The following TENM3 variants were observed in gnomAD, a reference collection of about 807,000 sequenced individuals.
TENM3 encodes the protein teneurin-3.
In TENM3, 63 loss-of-function variants were observed where a neutral mutation model predicts 255.1. The observed-to-expected ratio is 0.25, with a 90% CI of 0.20 to 0.30. The LOEUF (loss-of-function observed/expected upper bound fraction) is 0.30, where lower values mean the gene tolerates loss of function less well. Among genes scored for constraint, TENM3 ranks in the 10% least tolerant of loss-of-function variants. The pLI, the probability that TENM3 is intolerant of heterozygous loss-of-function variation, is 1.00. For missense variants in TENM3, 2,929 were observed against 3,461.1 expected (o/e 0.85, Z 3.86); for synonymous variants, 1,306 against 1,322.3 (o/e 0.99, Z 0.27).
At chr4:182,160,033 CG>C (rs1295157385) in intron 1 of TENM3, among the ~76,000 whole-genome samples, 2 of 138,714 alleles carry the variant, frequency 1.4e-5, no homozygotes, top group African/African-American at 2.5e-5. Context: ...GACGGAGTCT[CG>C]CTCTGTCGCC....
chr4:181,830,957 A>G, the TENM3 span, among the ~76,000 whole-genome samples: 1 of 152,150 alleles, frequency 6.6e-6, no homozygotes, highest in Admixed American at 6.5e-5. Context: ...ACAACTTCTC[A>G]TACACATAGG....
At chr4:181,721,560 A>C in the TENM3 span, among the ~76,000 whole-genome samples, 1,075 of 21,764 alleles carry the variant, frequency 0.049, no homozygotes, top group East Asian at 0.19. Context: ...AGATCGCGCC[A>C]CTGCACTCCA....
the TENM3 span, among the ~76,000 whole-genome samples, chr4:181,927,665 C>A: frequency 5.8e-3 from 883 of 152,346 alleles, 8 homozygotes; most frequent in African/African-American, 0.02. Context: ...CACAGTGCTC[C>A]AGCTCTGCTA....
the TENM3 span, among the ~76,000 whole-genome samples, chr4:181,540,175 G>T: frequency 6.6e-6 from 1 of 152,092 alleles, no homozygotes; most frequent in Non-Finnish European, 1.5e-5. Context: ...TATTACAGGA[G>T]CCAACTGAAA....
At chr4:182,565,349 TAA>T (rs1361163016) in intron 3 of TENM3, among the ~76,000 whole-genome samples, 1 of 152,160 alleles carries the variant, frequency 6.6e-6, no homozygotes, top group African/African-American at 2.4e-5. Flanking sequence ...AAGATACAAT[TAA>T]ATTATATGTG....
chr4:182,107,798 C>A, the TENM3 span, among the ~76,000 whole-genome samples: 1 of 152,094 alleles, frequency 6.6e-6, no homozygotes, highest in African/African-American at 2.4e-5. Context: ...TGCTTAACTT[C>A]AAGAGGGGTT....
At chr4:182,694,928 G>A (rs961185737) in intron 12 of TENM3, among the ~76,000 whole-genome samples, 18 of 152,172 alleles carry the variant, frequency 1.2e-4, no homozygotes, top group African/African-American at 4.3e-4. Flanking sequence ...AAATTAAAAA[G>A]TAAGTGACAA....
At chr4:181,632,261 T>G in the TENM3 span, among the ~76,000 whole-genome samples, 11,363 of 152,072 alleles carry the variant, frequency 0.075, 483 homozygotes, top group East Asian at 0.14. Flanking sequence ...TAAACCGTCA[T>G]ATCTCGTGAG....
At chr4:182,174,811 G>C (rs1398883464) in intron 1 of TENM3, among the ~76,000 whole-genome samples, 2 of 152,094 alleles carry the variant, frequency 1.3e-5, no homozygotes, top group Non-Finnish European at 2.9e-5. Flanking sequence ...TATAATTTAA[G>C]TTTGGTCTCC....
intron 1 of TENM3, among the ~76,000 whole-genome samples, chr4:182,254,753 G>A (rs1291935206): frequency 1.3e-5 from 2 of 152,120 alleles, no homozygotes; most frequent in Admixed American, 1.3e-4. Flanking sequence ...ATCATATTGT[G>A]TGATATGTCC....
At chr4:181,700,448 G>A in the TENM3 span, among the ~76,000 whole-genome samples, 84 of 152,180 alleles carry the variant, frequency 5.5e-4, no homozygotes, top group South Asian at 3.9e-3. Flanking sequence ...AATATGTTTC[G>A]ATATGTGATC....
chr4:182,463,650 T>G (rs1031495039), intron 3 of TENM3, among the ~76,000 whole-genome samples: 15 of 149,028 alleles, frequency 1.0e-4, no homozygotes, highest in African/African-American at 3.7e-4. Flanking sequence ...TGAGACAGAG[T>G]TTTGCTCTTG....
intron 3 of TENM3, 34 bp downstream of exon 3, chr4:182,346,963 T>A: frequency 7.0e-7 from 1 of 1,431,622 alleles, no homozygotes; most frequent in Non-Finnish European, 9.4e-7. Context: ...AATGTTGGCA[T>A]TCAGTGCTTC....
In TENM3 at chr4:182,281,987, C is replaced by T. The variant is rs58937254; in HGVS notation, c.-76+38511C>T. Reference sequence around the variant, plus strand: ...CTGATCTCAGGTAATCTGCCCGCCTCGGCCTCCCAATGTGCTGAGATTACA... The same window carrying T: ...CTGATCTCAGGTAATCTGCCCGCCTTGGCCTCCCAATGTGCTGAGATTACA... On this transcript the variant is annotated intron_variant, in intron 1 of 27. Transcript: ENST00000511685. 4.5e-3 allele frequency among the ~76,000 whole-genome samples: 686 copies of T among 152,252 alleles called. 4 individuals carry two copies. Among genetic ancestry groups the T allele is most frequent in the African/African-American group, 0.015 (643 of 41,552 alleles).
At chr4:182,539,494 G>A (rs1329960309) in intron 3 of TENM3, among the ~76,000 whole-genome samples, 1 of 152,120 alleles carries the variant, frequency 6.6e-6, no homozygotes, top group Admixed American at 6.5e-5. Context: ...CATGGTATCT[G>A]TATGTTCAGG....
intron 3 of TENM3, among the ~76,000 whole-genome samples, chr4:182,379,667 G>A (rs1767435477): frequency 6.6e-6 from 1 of 152,058 alleles, no homozygotes; most frequent in South Asian, 2.1e-4. Flanking sequence ...AAGGAAGGGA[G>A]GCTGCATGAA....
the TENM3 span, chr4:181,834,804 A>C: frequency 1.8e-4 from 27 of 152,230 alleles, no homozygotes; most frequent in African/African-American, 5.3e-4. Context: ...GGAGTAGATT[A>C]CTAAAAATAG....
intron 1 of TENM3, among the ~76,000 whole-genome samples, chr4:182,146,860 G>A (rs1750004011): frequency 1.3e-5 from 2 of 152,066 alleles, no homozygotes; most frequent in South Asian, 4.1e-4. Flanking sequence ...TCCTCCAAAC[G>A]GGATTATTTT....
chr4:181,647,047 G>C, the TENM3 span, among the ~76,000 whole-genome samples: 1,604 of 152,248 alleles, frequency 0.011, 24 homozygotes, highest in African/African-American at 0.036. Context: ...GCAGAGTGTA[G>C]ATGCTGCCTG....
Sources: allele counts gnomAD v4.1 joint callset (sites outside exome capture counted in the v4.1 genomes callset), GRCh38; gene constraint gnomAD v4.1.1; transcripts MANE v1.5; gene names NCBI Gene and HGNC (gene_info 2026-07-23, HGNC 2026-07-21).